ASB7: variants seen among roughly 807,000 people sequenced by gnomAD.
The protein encoded by ASB7 is ankyrin repeat and SOCS box protein 7.
ASB7 carries 4 observed loss-of-function variants against 32.5 expected under a neutral mutation model. The observed-to-expected ratio is 0.12, with a 90% CI of 0.06 to 0.28. The LOEUF (loss-of-function observed/expected upper bound fraction) is 0.28, where lower values mean the gene tolerates loss of function less well. ASB7 is among the 10% of genes least tolerant of loss of function. The pLI is 1.00. For synonymous variants in ASB7, 172 were observed against 155.6 expected, an observed-to-expected ratio of 1.11 and a Z score of -0.78; for missense variants, 181 against 407.1, an observed-to-expected ratio of 0.44 and a Z score of 4.78.
intron 4 of ASB7, among the ~76,000 whole-genome samples, chr15:100,620,222 A>T (rs1386033740): frequency 6.6e-6 from 1 of 152,230 alleles, no homozygotes; most frequent in Non-Finnish European, 1.5e-5. Flanking sequence ...TCATTTTTCA[A>T]TTACTTATAA....
At chr15:100,647,843 G>A (rs1041328952) in intron 5 of ASB7, among the ~76,000 whole-genome samples, 3 of 152,106 alleles carry the variant, frequency 2.0e-5, no homozygotes, top group East Asian at 3.9e-4. Flanking sequence ...AGCTGAAAGG[G>A]AGGCTCACAA....
chr15:100,608,470 G>A (rs1041466579), intron 2 of ASB7, among the ~76,000 whole-genome samples: 33 of 152,172 alleles, frequency 2.2e-4, no homozygotes, highest in African/African-American at 7.5e-4. Flanking sequence ...ATCTGGTACT[G>A]TTTTAAGTAT....
In ASB7 at chr15:100,636,837, A is replaced by C. The variant is rs1292339927; in HGVS notation, c.817+6795A>C. Reference sequence around the variant, plus strand: ...CTTCTCAAGATTGTTTTAGGTGCCTATGAAATCAAAACGAATTTCCTAACA... The same window carrying C: ...CTTCTCAAGATTGTTTTAGGTGCCTCTGAAATCAAAACGAATTTCCTAACA... On this transcript the variant is annotated intron_variant, in intron 5 of 5. Coordinates refer to ENST00000332783, the MANE Select transcript of ASB7 (RefSeq NM_198243.3). Among the ~76,000 whole-genome samples, 6 of 152,248 alleles carry C rather than the reference A, an allele frequency of 3.9e-5. No homozygotes were observed. In the East Asian group the frequency reaches 1.2e-3, roughly 29 times the overall value.
chr15:100,630,063 T>C, intron 5 of ASB7, 21 bp downstream of exon 5: 1 of 1,524,680 alleles, frequency 6.6e-7, no homozygotes, highest in Non-Finnish European at 8.8e-7. Flanking sequence ...TAATTATTAC[T>C]TTATTGCATT....
rs944697912 is a variant in ASB7, at chr15:100,602,634, C to A, written c.-685C>A. On this transcript the variant is annotated 5_prime_UTR_variant, in exon 1 of 6. Coordinates refer to ENST00000332783, the MANE Select transcript of ASB7 (RefSeq NM_198243.3). The stretch of plus-strand genomic sequence containing the variant: ...GGGAGGGGGCGGGGGTGGCCCAGTG[C>A]AAAGTGCATCCCGAAAGCCCCCTGT... 8.1e-5 allele frequency: 18 copies of A among 222,248 alleles called. No homozygotes were observed. The highest frequency in any genetic ancestry group is 1.3e-4 in the Non-Finnish European group (15 of 114,738). The allele number at this position is 222,248 out of a possible 1,614,324, so 13.8% of individuals were successfully genotyped here.
chr15:100,627,816 A>G (rs889277285), intron 4 of ASB7, among the ~76,000 whole-genome samples: 1 of 152,214 alleles, frequency 6.6e-6, no homozygotes, highest in Non-Finnish European at 1.5e-5. Flanking sequence ...TAGATTAGAA[A>G]TGACCTCTGG....
At chr15:100,642,065 A>C (rs888871244) in intron 5 of ASB7, among the ~76,000 whole-genome samples, 3 of 152,190 alleles carry the variant, frequency 2.0e-5, no homozygotes, top group African/African-American at 7.2e-5. Flanking sequence ...CACATGGTCA[A>C]GAAACCTTTA....
chr15:100,642,716 G>A (rs771067036), intron 5 of ASB7, among the ~76,000 whole-genome samples: 9 of 152,236 alleles, frequency 5.9e-5, no homozygotes, highest in Non-Finnish European at 1.2e-4. Context: ...GGAGCAATTT[G>A]ACTGGGGCCT....
intron 2 of ASB7, among the ~76,000 whole-genome samples, chr15:100,605,382 T>C (rs1003253092): frequency 6.6e-6 from 1 of 152,246 alleles, no homozygotes; most frequent in Non-Finnish European, 1.5e-5. Flanking sequence ...CGTCACCAAA[T>C]ATAGATTTAT....
intron 2 of ASB7, among the ~76,000 whole-genome samples, chr15:100,604,077 G>C (rs1364350120): frequency 1.3e-5 from 2 of 152,142 alleles, no homozygotes; most frequent in Non-Finnish European, 2.9e-5. Flanking sequence ...CTTATTAATC[G>C]TTTGACTCAG....
chr15:100,609,877 C>G (rs896686559), intron 3 of ASB7, 49 bp downstream of exon 3: 2 of 152,188 alleles, frequency 1.3e-5, no homozygotes, highest in Non-Finnish European at 2.9e-5. Flanking sequence ...CGGGGGAAAG[C>G]TCACTTAACT....
At chr15:100,604,241 C>A (rs765546489) in intron 2 of ASB7, among the ~76,000 whole-genome samples, 10 of 152,082 alleles carry the variant, frequency 6.6e-5, no homozygotes, top group Non-Finnish European at 1.5e-4. Context: ...TTTCTGCTGC[C>A]ATATTTTGTT....
Position 100,612,209 on chromosome 15 carries a change from C to T in ASB7, c.-8C>T, listed in dbSNP as rs1273361087. 3 of 1,609,326 alleles carry T rather than the reference C, an allele frequency of 1.9e-6. No homozygotes were observed. Among genetic ancestry groups the T allele is most frequent in the Non-Finnish European group, 8.5e-7 (1 of 1,176,142 alleles). On this transcript the variant is annotated 5_prime_UTR_variant, in exon 4 of 6. Transcript: ENST00000332783. ...ATGAATCCTTTGTAAAAAGTGGACT[C>T]AGCTAGGATGTTACACCATCATTGT...
chr15:100,644,305 C>A (rs558205684), intron 5 of ASB7, among the ~76,000 whole-genome samples: 4 of 152,306 alleles, frequency 2.6e-5, no homozygotes, highest in African/African-American at 9.6e-5. Context: ...AAATCAAATT[C>A]TTTAAAGAAA....
intron 4 of ASB7, among the ~76,000 whole-genome samples, chr15:100,621,313 G>A (rs747690780): frequency 6.6e-6 from 1 of 152,152 alleles, no homozygotes; most frequent in South Asian, 2.1e-4. Context: ...TCACCTTTCC[G>A]AATGTCATGA....
intron 5 of ASB7, among the ~76,000 whole-genome samples, chr15:100,645,260 A>G (rs575647138): frequency 6.6e-6 from 1 of 152,330 alleles, no homozygotes; most frequent in African/African-American, 2.4e-5. Flanking sequence ...TATTATAAAT[A>G]CAAAATAAGA....
At chr15:100,603,525 C>CTT (rs2039593736) in intron 2 of ASB7, among the ~76,000 whole-genome samples, 1 of 148,812 alleles carries the variant, frequency 6.7e-6, no homozygotes, top group Admixed American at 6.9e-5. Flanking sequence ...TTCCCACTTT[C>CTT]TTTCTGTACA....
intron 4 of ASB7, among the ~76,000 whole-genome samples, chr15:100,619,728 T>C (rs181766610): frequency 6.6e-6 from 1 of 152,320 alleles, no homozygotes; most frequent in Admixed American, 6.5e-5. Flanking sequence ...CACACAGAGC[T>C]AGCCAAAATC....
rs915329123 is a variant in ASB7, at chr15:100,650,089, C to T, written c.*1627C>T. 10 of 152,168 alleles carry T rather than the reference C, an allele frequency of 6.6e-5. No individual in the cohort carries two copies. Among genetic ancestry groups the T allele is most frequent in the South Asian group, 2.1e-4 (1 of 4,838 alleles). 9.4% of individuals were successfully genotyped at this position (152,168 alleles called of 1,614,324 possible). On this transcript the variant is annotated 3_prime_UTR_variant, in exon 6 of 6. Transcript: ENST00000332783. ...TGTGCCTAAGCATTGCACAGGTTTC[C>T]GAAGACGGGCAGCTTCAGAGAAGAG...
Sources: gnomAD v4.1 joint callset for allele counts (sites outside exome capture counted in the v4.1 genomes callset) on GRCh38, gnomAD v4.1.1 for gene constraint, MANE v1.5 for transcripts, NCBI Gene and HGNC (gene_info 2026-07-23, HGNC 2026-07-21) for gene names.